GPATCH8: variants seen among roughly 807,000 people sequenced by gnomAD.
GPATCH8 encodes G-patch domain containing 8.
In GPATCH8, 18 loss-of-function variants were observed where a neutral mutation model predicts 118.3. That is an observed-to-expected ratio of 0.15 (90% CI 0.11 to 0.23). The LOEUF is 0.23. GPATCH8 is among the 10% of genes least tolerant of loss of function. The probability of loss-of-function intolerance (pLI) is 1.00; values close to 1 mark genes in which losing one functional copy is unlikely to be tolerated. For missense variants in GPATCH8, 1,631 were observed against 1,873.8 expected (o/e 0.87, Z 2.39); for synonymous variants, 659 against 684.7 (o/e 0.96, Z 0.59).
chr17:44,468,670 A>G (rs1454089250), intron 2 of GPATCH8, among the ~76,000 whole-genome samples: 1 of 152,062 alleles, frequency 6.6e-6, no homozygotes, highest in Non-Finnish European at 1.5e-5. Context: ...TTTTAAATAT[A>G]TAATTTGGGG....
chr17:44,401,563 C>T, intron 7 of GPATCH8, 110 bp from the exon 8 acceptor site: 1 of 785,386 alleles, frequency 1.3e-6, no homozygotes, highest in Non-Finnish European at 2.3e-6. Flanking sequence ...ATAGGTAGGT[C>T]TCAAAGACAG....
rs562838340 is a variant in GPATCH8 at position 44,422,691 on chromosome 17, C to T, written c.492+1658G>A. ...ATTTTTAGTAGAGACAGGGTTTCACCGTGGTCTTGATCTCCTGACCTCGTG... is the reference window on the plus strand; with the variant it reads ...ATTTTTAGTAGAGACAGGGTTTCACTGTGGTCTTGATCTCCTGACCTCGTG... On this transcript the variant is annotated intron_variant, in intron 6 of 7. Coordinates refer to ENST00000591680, the MANE Select transcript of GPATCH8 (RefSeq NM_001002909.4). Among the ~76,000 whole-genome samples, 42 of 151,462 alleles carry T rather than the reference C, an allele frequency of 2.8e-4. 1 individual carries two copies. The South Asian group carries it at 6.7e-3, about 24-fold the overall frequency.
At position 44,395,831 on chromosome 17, in the gene GPATCH8, G is replaced by GGAGGTTA; in HGVS notation, c.*1736_*1737insTAACCTC. The GGAGGTTA allele has an allele frequency of 4.4e-6, 2 of 454,100 alleles. No homozygotes were observed. The highest frequency in any genetic ancestry group is 8.8e-6 in the Non-Finnish European group (2 of 226,792). The allele number at this position is 454,100 out of a possible 1,614,324, so 28.1% of individuals were successfully genotyped here. A position where few individuals can be genotyped will look rare whatever the true frequency, so the allele number is the denominator to read the frequency against. On this transcript the variant is annotated 3_prime_UTR_variant, in exon 8 of 8. Coordinates refer to ENST00000591680, the MANE Select transcript of GPATCH8 (RefSeq NM_001002909.4). ...CGAATAGTTAGGAAAATGCCAAAGT[G>GGAGGTTA]GGAATTGTTAACCTCATCAAAGGAG...
At chr17:44,450,633 T>A (rs2051079147) in intron 3 of GPATCH8, among the ~76,000 whole-genome samples, 1 of 152,258 alleles carries the variant, frequency 6.6e-6, no homozygotes, top group Non-Finnish European at 1.5e-5. Context: ...CCGAGTGTTT[T>A]AAGTGCCATT....
intron 3 of GPATCH8, among the ~76,000 whole-genome samples, chr17:44,438,930 GAAC>G (rs1567989290): frequency 6.6e-6 from 1 of 152,114 alleles, no homozygotes; most frequent in African/African-American, 2.4e-5. Flanking sequence ...TTGAGAACAT[GAAC>G]AACACCCTCT....
chr17:44,453,570 G>T (rs1233675382), intron 3 of GPATCH8, among the ~76,000 whole-genome samples: 1 of 144,628 alleles, frequency 6.9e-6, no homozygotes, highest in African/African-American at 2.7e-5. Context: ...CTGTCATCCA[G>T]GCTGGAGTAC....
chr17:44,467,898 C>G (rs1004618387), intron 2 of GPATCH8, among the ~76,000 whole-genome samples: 1 of 152,190 alleles, frequency 6.6e-6, no homozygotes. Context: ...TCAAAACTAT[C>G]TCTGTGAAAG....
intron 5 of GPATCH8, among the ~76,000 whole-genome samples, chr17:44,426,846 A>ACTCT (rs1183150233): frequency 6.2e-5 from 9 of 145,750 alleles, no homozygotes; most frequent in Admixed American, 2.1e-4. Context: ...ACACACACAC[A>ACTCT]CACTCTCTCT....
intron 3 of GPATCH8, 112 bp downstream of exon 3, chr17:44,464,360 T>A (rs1389144142): frequency 1.3e-6 from 1 of 779,382 alleles, no homozygotes; most frequent in African/African-American, 1.7e-5. Flanking sequence ...GGGAAAAAGG[T>A]AGTAGGGAGA....
intron 1 of GPATCH8, among the ~76,000 whole-genome samples, chr17:44,488,572 T>C (rs923723411): frequency 6.7e-6 from 1 of 149,356 alleles, no homozygotes; most frequent in African/African-American, 2.5e-5. Flanking sequence ...GGTTTCACCA[T>C]GTTGGCCAGA....
Position 44,395,714 on chromosome 17 carries a change from C to A in GPATCH8, c.*1854G>T, listed in dbSNP as rs1470998978. Reference sequence around the variant, plus strand: ...CCACTTTCTTTTCATAAACTTTACTCTTTTGAGAATTTGCGAAGGCAGGAA... The same window carrying A: ...CCACTTTCTTTTCATAAACTTTACTATTTTGAGAATTTGCGAAGGCAGGAA... On this transcript the variant is annotated 3_prime_UTR_variant, in exon 8 of 8. Coordinates refer to ENST00000591680, the MANE Select transcript of GPATCH8 (RefSeq NM_001002909.4). The A allele has an allele frequency of 2.2e-6, 1 of 454,008 alleles. No individual in the cohort carries two copies. The highest frequency in any genetic ancestry group is 4.4e-6 in the Non-Finnish European group (1 of 226,800). 28.1% of individuals were successfully genotyped at this position (454,008 alleles called of 1,614,324 possible).
chr17:44,426,857 C>A (rs897883985), intron 5 of GPATCH8, among the ~76,000 whole-genome samples: 2 of 149,874 alleles, frequency 1.3e-5, no homozygotes, highest in Non-Finnish European at 3.0e-5. Flanking sequence ...CACTCTCTCT[C>A]TCTCTCTCTC....
intron 5 of GPATCH8, among the ~76,000 whole-genome samples, chr17:44,428,140 A>C (rs918166818): frequency 2.0e-5 from 3 of 151,666 alleles, no homozygotes; most frequent in African/African-American, 7.3e-5. Context: ...AAAATTAGCT[A>C]GGCGTGGTGG....
intron 3 of GPATCH8, among the ~76,000 whole-genome samples, chr17:44,462,562 C>T (rs1006237828): frequency 9.2e-5 from 14 of 152,074 alleles, no homozygotes; most frequent in African/African-American, 2.9e-4. Context: ...TCTTCTATTT[C>T]CCCAGAAGAA....
intron 6 of GPATCH8, among the ~76,000 whole-genome samples, chr17:44,412,323 A>G (rs2049471959): frequency 6.6e-6 from 1 of 152,182 alleles, no homozygotes; most frequent in South Asian, 2.1e-4. Context: ...TCAAGGTCAC[A>G]GTGAGCTATG....
rs1403676677 is a variant in GPATCH8 at position 44,398,728 on chromosome 17, T to C, written c.3349A>G (p.Asn1117Asp). The part of the protein sequence containing the change: ...SVSEEVQATP[N>D]KAGPKLKDPP... The stretch of plus-strand genomic sequence containing the variant: ...TCCTTGAGCTTGGGCCCAGCTTTAT[T>C]AGGGGTGGCCTGCACCTCCTCACTC... Residue 1117 changes from asparagine to aspartate, a missense_variant, in exon 8 of 8, where the codon AAT (asparagine) becomes GAT (aspartate). Asn to Asp is a conservative substitution (Grantham distance 23, BLOSUM62 1). Coordinates refer to ENST00000591680, the MANE Select transcript of GPATCH8 (RefSeq NM_001002909.4). 4.3e-6 allele frequency: 7 copies of C among 1,609,906 alleles called. No individual in the cohort carries two copies. Among genetic ancestry groups the C allele is most frequent in the Non-Finnish European group, 5.1e-6 (6 of 1,177,024 alleles).
intron 6 of GPATCH8, among the ~76,000 whole-genome samples, chr17:44,418,573 G>T (rs1431866186): frequency 6.6e-6 from 1 of 151,784 alleles, no homozygotes; most frequent in East Asian, 1.9e-4. Flanking sequence ...TCCTGCCTCA[G>T]CCTCCCCAGT....
At chr17:44,451,743 T>C (rs1206876662) in intron 3 of GPATCH8, among the ~76,000 whole-genome samples, 3 of 152,198 alleles carry the variant, frequency 2.0e-5, no homozygotes, top group Non-Finnish European at 2.9e-5. Flanking sequence ...TCATGAAGAA[T>C]ATATATGACC....
chr17:44,473,976 G>C (rs1263008777), intron 2 of GPATCH8, among the ~76,000 whole-genome samples: 1 of 152,186 alleles, frequency 6.6e-6, no homozygotes, highest in Non-Finnish European at 1.5e-5. Flanking sequence ...TGTTTCTTAA[G>C]GGGAAGTGGG....
Sources: allele counts gnomAD v4.1 joint callset (sites outside exome capture counted in the v4.1 genomes callset), GRCh38; gene constraint gnomAD v4.1.1; transcripts MANE v1.5; gene names NCBI Gene and HGNC (gene_info 2026-07-23, HGNC 2026-07-21).